FGF1: variants seen among roughly 807,000 people sequenced by gnomAD.
FGF1 encodes beta-endothelial cell growth factor.
A neutral mutation model predicts 13.4 loss-of-function variants in FGF1; 9 were observed. The ratio of observed to expected loss-of-function variants is 0.67; its 90% CI spans 0.40 to 1.17. FGF1 has a LOEUF of 1.17. Ranked by LOEUF, FGF1 falls within the 50% of genes most tolerant of loss-of-function variation. The pLI is 0.01. For missense variants in FGF1, 156 were observed against 192.7 expected (o/e 0.81, Z 1.13); for synonymous variants, 93 against 79.0 (o/e 1.18, Z -0.94).
chr5:142,680,303 A>T (rs559462380), intron 1 of FGF1, among the ~76,000 whole-genome samples: 1 of 152,312 alleles, frequency 6.6e-6, no homozygotes, highest in South Asian at 2.1e-4. Context: ...AAAAATAAGG[A>T]AACACCAGAC....
rs376367415 is a variant in FGF1 at position 142,609,036 on chromosome 5, T to C, written c.169+4923A>G. On this transcript the variant is annotated intron_variant, in intron 2 of 3. Coordinates refer to ENST00000337706, the MANE Select transcript of FGF1 (RefSeq NM_000800.5). ...AACTGTTTTGACTTCGGGTCTATGT[T>C]GGTGGGGAATAAAGTGCCTTAACTG... Among the ~76,000 whole-genome samples, 12 of 152,058 alleles carry C rather than the reference T, an allele frequency of 7.9e-5. No homozygotes were observed. In the East Asian group the frequency reaches 9.7e-4, roughly 12 times the overall value.
At chr5:142,616,682 C>A (rs1760319797) in intron 1 of FGF1, among the ~76,000 whole-genome samples, 1 of 152,242 alleles carries the variant, frequency 6.6e-6, no homozygotes, top group African/African-American at 2.4e-5. Context: ...ACTCACTCCT[C>A]TCTCCACCCA....
intron 2 of FGF1, chr5:142,601,042 C>T: frequency 4.9e-6 from 3 of 609,474 alleles, no homozygotes; most frequent in South Asian, 4.4e-5. Flanking sequence ...ACGGCCGGCT[C>T]ACCTACCTGT....
chr5:142,624,365 C>T (rs1361758569), intron 1 of FGF1, among the ~76,000 whole-genome samples: 3 of 152,220 alleles, frequency 2.0e-5, no homozygotes, highest in African/African-American at 7.2e-5. Flanking sequence ...TCACGCCTGG[C>T]CCATTTAGTA....
intron 1 of FGF1, among the ~76,000 whole-genome samples, chr5:142,645,443 A>G (rs1159843471): frequency 6.6e-6 from 1 of 152,104 alleles, no homozygotes; most frequent in East Asian, 1.9e-4. Context: ...GTGGATGAGA[A>G]CCTGGGCTTT....
At chr5:142,608,527 A>T (rs1370338128) in intron 2 of FGF1, among the ~76,000 whole-genome samples, 17 of 128,730 alleles carry the variant, frequency 1.3e-4, no homozygotes, top group Non-Finnish European at 2.3e-4. Flanking sequence ...CATATATATA[A>T]ATATATATAC....
intron 2 of FGF1, among the ~76,000 whole-genome samples, chr5:142,691,248 C>T (rs930013026): frequency 7.2e-5 from 11 of 151,984 alleles, no homozygotes; most frequent in African/African-American, 2.7e-4. Context: ...TGGTGAAACC[C>T]CGTCTCTACT....
At chr5:142,625,222 G>A (rs868061481) in intron 1 of FGF1, among the ~76,000 whole-genome samples, 1 of 152,064 alleles carries the variant, frequency 6.6e-6, no homozygotes, top group Non-Finnish European at 1.5e-5. Context: ...GGCAGGAAGT[G>A]GGGCTGTTAT....
rs111449824 is a variant in FGF1 at position 142,678,012 on chromosome 5, G to T, written c.-35+7945C>A. Among the ~76,000 whole-genome samples, 531 of 152,226 alleles carry T rather than the reference G, an allele frequency of 3.5e-3. 2 individuals are homozygous for T. The highest frequency in any genetic ancestry group is 0.011 in the African/African-American group (473 of 41,514). On this transcript the variant is annotated intron_variant, in intron 1 of 3. Coordinates refer to ENST00000337706, the MANE Select transcript of FGF1 (RefSeq NM_000800.5). ...AAAGAGGCCTGCTACCTGAAGAACTGGGGGGAAAGCATCCCAGGCAGATGA... is the reference window on the plus strand; with the variant it reads ...AAAGAGGCCTGCTACCTGAAGAACTTGGGGGAAAGCATCCCAGGCAGATGA...
At chr5:142,629,625 G>A (rs1313833663) in intron 1 of FGF1, among the ~76,000 whole-genome samples, 1 of 151,872 alleles carries the variant, frequency 6.6e-6, no homozygotes, top group African/African-American at 2.4e-5. Context: ...ATTTAGGATT[G>A]TGTTTACTTT....
chr5:142,608,581 T>C lies in FGF1; in HGVS notation c.169+5378A>G, dbSNP rs397833400. 9.5e-4 allele frequency among the ~76,000 whole-genome samples: 60 copies of C among 63,416 alleles called. 2 individuals are homozygous for C. The highest frequency in any genetic ancestry group is 2.6e-3 in the South Asian group (5 of 1,948). The allele number at this position is 63,416 out of a possible 152,430, so 41.6% of individuals were successfully genotyped here. On this transcript the variant is annotated intron_variant, in intron 2 of 3. Coordinates refer to ENST00000337706, the MANE Select transcript of FGF1 (RefSeq NM_000800.5). The stretch of plus-strand genomic sequence containing the variant: ...ATATATATATATATATATATATATA[T>C]ATACACACACACACACATATATGTA...
At position 142,661,217 on chromosome 5, in the gene FGF1, GC is replaced by G. The variant is rs573902850; in HGVS notation, c.-35+24739del. ...TCAATAGCTGCCTCACAAACATGAT[GC>G]AGATGTTCTCATCTCCACCTGAAAA... On this transcript the variant is annotated intron_variant, in intron 1 of 3. Transcript: ENST00000337706. Among the ~76,000 whole-genome samples, 294 of 152,308 alleles carry G rather than the reference GC, an allele frequency of 1.9e-3. 1 individual carries two copies. The highest frequency in any genetic ancestry group is 6.5e-3 in the African/African-American group (272 of 41,558).
At chr5:142,623,537 G>T (rs570917736) in intron 1 of FGF1, among the ~76,000 whole-genome samples, 1 of 151,750 alleles carries the variant, frequency 6.6e-6, no homozygotes, top group Non-Finnish European at 1.5e-5. Flanking sequence ...TAGTAGAGAC[G>T]GGGTTTCTAC....
intron 2 of FGF1, among the ~76,000 whole-genome samples, chr5:142,602,325 C>A (rs1420898730): frequency 6.6e-6 from 1 of 151,992 alleles, no homozygotes; most frequent in Non-Finnish European, 1.5e-5. Context: ...TACAGGCATG[C>A]ACCACCATGC....
intron 2 of FGF1, among the ~76,000 whole-genome samples, chr5:142,607,824 G>A (rs931056005): frequency 6.6e-6 from 1 of 152,158 alleles, no homozygotes; most frequent in Non-Finnish European, 1.5e-5. Flanking sequence ...TGCTTCACGA[G>A]TCCCTGCATA....
intron 1 of FGF1, among the ~76,000 whole-genome samples, chr5:142,652,848 G>GCTCA (rs1156307992): frequency 2.6e-5 from 4 of 152,230 alleles, no homozygotes; most frequent in African/African-American, 9.6e-5. Flanking sequence ...GGGCACATCT[G>GCTCA]CTCACTCACT....
intron 1 of FGF1, among the ~76,000 whole-genome samples, chr5:142,666,177 T>TG (rs1554091174): frequency 6.6e-6 from 1 of 151,300 alleles, no homozygotes; most frequent in Non-Finnish European, 1.5e-5. Flanking sequence ...CTTGTTATAT[T>TG]AGGGTGAAAT....
intron 1 of FGF1, among the ~76,000 whole-genome samples, chr5:142,660,069 A>T (rs1768928612): frequency 6.6e-6 from 1 of 152,204 alleles, no homozygotes; most frequent in Non-Finnish European, 1.5e-5. Context: ...GCAGTGTCAC[A>T]CGTTTTCTCA....
At chr5:142,647,933 A>AGATT (rs931025891) in intron 1 of FGF1, among the ~76,000 whole-genome samples, 2 of 152,150 alleles carry the variant, frequency 1.3e-5, no homozygotes, top group Non-Finnish European at 2.9e-5. Context: ...AAAGTACAAA[A>AGATT]GATTAGCTGG....
Sources: gnomAD v4.1 joint callset for allele counts (sites outside exome capture counted in the v4.1 genomes callset) on GRCh38, gnomAD v4.1.1 for gene constraint, MANE v1.5 for transcripts, NCBI Gene and HGNC (gene_info 2026-07-23, HGNC 2026-07-21) for gene names.